Variants in AP3B2 observed in about 807,000 individuals in gnomAD.
AP3B2 encodes AP-3 complex subunit beta-2.
A neutral mutation model predicts 126.9 loss-of-function variants in AP3B2; 50 were observed. The ratio of observed to expected loss-of-function variants is 0.39; its 90% CI spans 0.31 to 0.50. The LOEUF is 0.50. Among genes scored for constraint, AP3B2 ranks in the 20% least tolerant of loss-of-function variants. The probability of loss-of-function intolerance (pLI) is 0.79; values close to 1 mark genes in which losing one functional copy is unlikely to be tolerated. For synonymous variants in AP3B2, 541 were observed against 565.0 expected (o/e 0.96, Z 0.60); for missense variants, 1,177 against 1,426.4 (o/e 0.83, Z 2.82).
chr15:82,668,018 TC>T (rs2048088209), intron 14 of AP3B2, among the ~76,000 whole-genome samples: 1 of 152,168 alleles, frequency 6.6e-6, no homozygotes, highest in Non-Finnish European at 1.5e-5. Flanking sequence ...ACTCTGTTCT[TC>T]CTGAGGTTTA....
chr15:82,694,304 C>T (rs886107013), intron 1 of AP3B2, among the ~76,000 whole-genome samples: 1 of 151,952 alleles, frequency 6.6e-6, no homozygotes, highest in African/African-American at 2.4e-5. Flanking sequence ...TGTGCCAGGC[C>T]TAGGTTTAAT....
In AP3B2 at chr15:82,683,046, A is replaced by ATT. The variant is rs1567267339; in HGVS notation, c.361-1467_361-1466insAA. ...CAATGTTCACAGCATCTGCACCAGGAGTTTTTTTTTTTTTTTTTTTTTTTT... is the reference window on the plus strand; with the variant it reads ...CAATGTTCACAGCATCTGCACCAGGATTGTTTTTTTTTTTTTTTTTTTTTTTT... On this transcript the variant is annotated intron_variant, in intron 4 of 26. Transcript: ENST00000535359. Among the ~76,000 whole-genome samples, 8 of 71,956 alleles carry ATT rather than the reference A, an allele frequency of 1.1e-4. No individual in the cohort carries two copies. In the East Asian group the frequency reaches 1.4e-3, roughly 13 times the overall value. 47.2% of individuals were successfully genotyped at this position (71,956 alleles called of 152,430 possible). A position where few individuals can be genotyped will look rare whatever the true frequency, so the allele number is the denominator to read the frequency against.
chr15:82,660,032 G>T, intron 25 of AP3B2, 49 bp from the exon 26 acceptor site: 1 of 1,591,580 alleles, frequency 6.3e-7, no homozygotes, highest in Non-Finnish European at 8.6e-7. Context: ...GGGTACAGAG[G>T]CCAGCACCTG....
chr15:82,699,737 CA>C, intron 1 of AP3B2: 1 of 399,534 alleles, frequency 2.5e-6, no homozygotes, highest in East Asian at 3.6e-5. Flanking sequence ...CGAAGCTCCT[CA>C]GGCTCCAAGG....
intron 10 of AP3B2, among the ~76,000 whole-genome samples, chr15:82,678,601 G>A (rs559248808): frequency 5.9e-5 from 9 of 152,246 alleles, no homozygotes; most frequent in African/African-American, 1.9e-4. Flanking sequence ...TCTGCGTGGA[G>A]CAGTTCTTCC....
intron 4 of AP3B2, chr15:82,686,163 C>T (rs184241562): frequency 1.3e-5 from 2 of 152,280 alleles, no homozygotes; most frequent in Non-Finnish European, 2.9e-5. Context: ...CTGTGCTAAA[C>T]TGATAAAATG....
intron 14 of AP3B2, among the ~76,000 whole-genome samples, chr15:82,674,687 A>G (rs1199889549): frequency 6.6e-6 from 1 of 152,270 alleles, no homozygotes; most frequent in Non-Finnish European, 1.5e-5. Context: ...TAGTAGGCCT[A>G]CATGTTAAAT....
chr15:82,702,470 G>C (rs1440880723), intron 1 of AP3B2, among the ~76,000 whole-genome samples: 2 of 152,134 alleles, frequency 1.3e-5, no homozygotes, highest in African/African-American at 4.8e-5. Context: ...AATCACAAAA[G>C]AAGTGAAAAT....
Position 82,666,752 on chromosome 15 carries a change from A to T in AP3B2, c.1847T>A (p.Phe616Tyr), listed in dbSNP as rs1481027030. The T allele has an allele frequency of 1.2e-6, 2 of 1,613,228 alleles. No homozygotes were observed. The highest frequency in any genetic ancestry group is 2.2e-5 in the South Asian group (2 of 91,038). Reference protein sequence around the residue: ...PKPAPVLESSFKDRDHFQLGS... With the variant: ...PKPAPVLESSYKDRDHFQLGS... Reference sequence around the variant, plus strand: ...CCCTTGATTTCAGCTCCCACCTTTGAAGGATGACTCCAAGACTGGAGCTGG... The same window carrying T: ...CCCTTGATTTCAGCTCCCACCTTTGTAGGATGACTCCAAGACTGGAGCTGG... The change falls in exon 15 of 27, where the codon TTC becomes TAC. Residue 616 changes from phenylalanine to tyrosine, a missense_variant. Transcript: ENST00000535359.
chr15:82,661,311 TG>T (rs2047942955), intron 25 of AP3B2, among the ~76,000 whole-genome samples: 1 of 152,162 alleles, frequency 6.6e-6, no homozygotes, highest in Non-Finnish European at 1.5e-5. Context: ...ATTTCCCAAA[TG>T]CATTTCAAAA....
Position 82,678,124 on chromosome 15 carries a change from G to A in AP3B2, c.1226C>T (p.Thr409Ile), listed in dbSNP as rs2048275478. 1.2e-6 allele frequency: 2 copies of A among 1,613,812 alleles called. No individual in the cohort carries two copies. The highest frequency in any genetic ancestry group is 2.2e-5 in the East Asian group (1 of 44,892). Residue 409 changes from threonine to isoleucine, a missense_variant, in exon 11 of 27, where the codon ACT (threonine) becomes ATT (isoleucine). Coordinates refer to ENST00000535359, the MANE Select transcript of AP3B2 (RefSeq NM_001278512.2). ...TNLANETNIP[T>I]VLREFQTYIR... ...CTGTACCTGGAATTCCCGTAGGACAGTAGGAATGTTGGTCTCATTGGCCAG... is the reference window on the plus strand; with the variant it reads ...CTGTACCTGGAATTCCCGTAGGACAATAGGAATGTTGGTCTCATTGGCCAG...
chr15:82,659,914 A>C lies in AP3B2; in HGVS notation c.3086T>G (p.Ile1029Ser). 1 of 1,613,870 alleles carries C rather than the reference A, an allele frequency of 6.2e-7. No individual in the cohort carries two copies. The change falls in exon 26 of 27, where the codon ATT becomes AGT. Residue 1029 changes from isoleucine (I) to serine (S), a missense_variant. Around this residue, in one of 5 missense-constraint regions of AP3B2, gnomAD observed 587 missense variants for 571.3 expected, o/e 1.03. Coordinates refer to ENST00000535359, the MANE Select transcript of AP3B2 (RefSeq NM_001278512.2). ...AGTGGCAGTCACTTTCTGCACCACA[A>C]TGTGGTCACTCCGACAGGTGTCTGG... ...MLPDTCRSDHIVVQKVTATAN... is the reference protein window; with the variant it reads ...MLPDTCRSDHSVVQKVTATAN...
intron 23 of AP3B2, 133 bp from the exon 24 acceptor site, chr15:82,662,385 G>A: frequency 1.3e-6 from 1 of 760,710 alleles, no homozygotes; most frequent in Non-Finnish European, 2.2e-6. Context: ...GGCTTTCTTG[G>A]CTGCTGGAGA....
rs570713271 is a variant in AP3B2, at chr15:82,665,259, G to A, written c.2016C>T (p.Gly672=). The A allele has an allele frequency of 3.8e-5, 59 of 1,539,732 alleles. No homozygotes were observed. The highest frequency in any genetic ancestry group is 1.2e-4 in the African/African-American group (9 of 73,246). The change falls in exon 17 of 27, where the codon GGC becomes GGT. Residue 672 remains glycine (G), a synonymous_variant. Transcript: ENST00000535359. This position sits in a 1 kb window ranked among gnomAD's most constrained non-coding sequence, Gnocchi z 4.4. Reference sequence around the variant, plus strand: ...ACGAAGGTGGGACCTCAGTGTATTCGCCCAACAGGCCCACGTGAGTCTCAA... The same window carrying A: ...ACGAAGGTGGGACCTCAGTGTATTCACCCAACAGGCCCACGTGAGTCTCAA... ...SLIETHVGLL[G]EYTEVPEWTK...
At chr15:82,679,119 C>CT (rs993452123) in intron 10 of AP3B2, among the ~76,000 whole-genome samples, 5 of 152,052 alleles carry the variant, frequency 3.3e-5, no homozygotes, top group African/African-American at 1.2e-4. Flanking sequence ...CTCCCAGAGT[C>CT]TTTTTTTCTT....
intron 1 of AP3B2, among the ~76,000 whole-genome samples, chr15:82,705,711 G>A (rs1456331529): frequency 3.9e-5 from 6 of 151,988 alleles, no homozygotes; most frequent in African/African-American, 7.3e-5. Flanking sequence ...GAAAACACAC[G>A]TGCTCTCCCT....
In AP3B2 at chr15:82,662,684, C is replaced by A; in HGVS notation, c.2833+10G>T. On this transcript the variant is annotated intron_variant, in intron 23 of 26. Transcript: ENST00000535359. ...GCCTCCTCCTCCACCCCATCCAAAGCCCTTCGCACCAATTTCGGGAAATTC... is the reference window on the plus strand; with the variant it reads ...GCCTCCTCCTCCACCCCATCCAAAGACCTTCGCACCAATTTCGGGAAATTC... 1 of 1,606,614 alleles carries A rather than the reference C, an allele frequency of 6.2e-7. No individual in the cohort carries two copies. The highest frequency in any genetic ancestry group is 8.5e-7 in the Non-Finnish European group (1 of 1,176,256).
intron 1 of AP3B2, among the ~76,000 whole-genome samples, chr15:82,690,145 C>G (rs542214661): frequency 7.2e-5 from 11 of 152,186 alleles, no homozygotes; most frequent in African/African-American, 2.6e-4. Context: ...GGAGCATGGT[C>G]CTGCCGACAC....
chr15:82,701,489 C>G (rs1192873281), intron 1 of AP3B2, among the ~76,000 whole-genome samples: 1 of 152,194 alleles, frequency 6.6e-6, no homozygotes, highest in East Asian at 1.9e-4. Context: ...CAGCAGCTTT[C>G]TCTTTTACAG....
Sources: allele counts gnomAD v4.1 joint callset (sites outside exome capture counted in the v4.1 genomes callset), GRCh38; gene constraint gnomAD v4.1.1; regional missense constraint gnomAD v4.1.1; non-coding constraint Gnocchi (gnomAD v3.1); transcripts MANE v1.5; gene names NCBI Gene and HGNC (gene_info 2026-07-23, HGNC 2026-07-21).